PITPNC1: variants seen among roughly 807,000 people sequenced by gnomAD.
PITPNC1 encodes the protein phosphatidylinositol transfer protein cytoplasmic 1.
PITPNC1 carries 18 observed loss-of-function variants against 44.7 expected under a neutral mutation model. The ratio of observed to expected loss-of-function variants is 0.40; its 90% confidence interval spans 0.28 to 0.60. The LOEUF is 0.60. Among genes scored for constraint, PITPNC1 ranks in the 20% least tolerant of loss-of-function variants. The probability of loss-of-function intolerance (pLI) is 0.39; values close to 1 mark genes in which losing one functional copy is unlikely to be tolerated. For synonymous variants in PITPNC1, 141 were observed against 149.6 expected, an observed-to-expected ratio of 0.94 and a Z score of 0.42; for missense variants, 290 against 418.4, an observed-to-expected ratio of 0.69 and a Z score of 2.68.
At chr17:67,504,006 T>G (rs1352907445) in intron 1 of PITPNC1, among the ~76,000 whole-genome samples, 1 of 152,114 alleles carries the variant, frequency 6.6e-6, no homozygotes, top group Non-Finnish European at 1.5e-5. Flanking sequence ...ACTTCCACAT[T>G]AAAAGTTTGG....
intron 4 of PITPNC1, among the ~76,000 whole-genome samples, chr17:67,564,707 G>T (rs898249126): frequency 6.6e-6 from 1 of 152,202 alleles, no homozygotes; most frequent in African/African-American, 2.4e-5. Flanking sequence ...TAAATTATAA[G>T]AATTTTTGGA....
intron 1 of PITPNC1, among the ~76,000 whole-genome samples, chr17:67,382,880 G>T (rs1433307491): frequency 6.6e-6 from 1 of 150,914 alleles, no homozygotes; most frequent in Admixed American, 6.6e-5. Flanking sequence ...CCCACTTTGG[G>T]CTCCCAAAGT....
At chr17:67,644,391 T>G (rs1354207034) in intron 6 of PITPNC1, among the ~76,000 whole-genome samples, 1 of 151,794 alleles carries the variant, frequency 6.6e-6, no homozygotes, top group Non-Finnish European at 1.5e-5. Flanking sequence ...CAAGCTCTTC[T>G]TCAGTTCCAT....
At chr17:67,393,767 A>G (rs983628456) in intron 1 of PITPNC1, among the ~76,000 whole-genome samples, 2 of 152,230 alleles carry the variant, frequency 1.3e-5, no homozygotes, top group East Asian at 3.8e-4. Flanking sequence ...TTGACTAAAG[A>G]CAGTGCTGTA....
intron 6 of PITPNC1, among the ~76,000 whole-genome samples, chr17:67,655,234 G>A (rs1281357482): frequency 1.3e-5 from 2 of 152,210 alleles, no homozygotes; most frequent in South Asian, 4.2e-4. Context: ...GGCAGAAAGG[G>A]TGAAGGAGCT....
In PITPNC1 at chr17:67,514,068, A is replaced by G. The variant is rs568438685; in HGVS notation, c.49-18734A>G. On this transcript the variant is annotated intron_variant, in intron 1 of 8. Transcript: ENST00000581322. ...TGTGTAGGTCGAGATAGAAGAGGGT[A>G]GAAGATACGGAGCTTGTTCACTGCC... Among the ~76,000 whole-genome samples, 42 of 150,750 alleles carry G rather than the reference A, an allele frequency of 2.8e-4. No homozygotes were observed. The South Asian group carries it at 8.8e-3, about 32-fold the overall frequency.
At chr17:67,533,121 A>AGGT (rs1221418176) in intron 2 of PITPNC1, among the ~76,000 whole-genome samples, 171 bp downstream of exon 2, 1 of 152,114 alleles carries the variant, frequency 6.6e-6, no homozygotes, top group Non-Finnish European at 1.5e-5. Flanking sequence ...TGCCCGAGCG[A>AGGT]GGTGGCTCAT....
intron 8 of PITPNC1, among the ~76,000 whole-genome samples, chr17:67,691,051 C>T (rs1010698066): frequency 6.6e-6 from 1 of 151,946 alleles, no homozygotes; most frequent in Non-Finnish European, 1.5e-5. Flanking sequence ...TGCAGTGAGC[C>T]AAGATCACGC....
At chr17:67,476,554 G>T (rs1196668994) in intron 1 of PITPNC1, among the ~76,000 whole-genome samples, 1 of 152,010 alleles carries the variant, frequency 6.6e-6, no homozygotes, top group Non-Finnish European at 1.5e-5. Context: ...CAGCCAGTGG[G>T]TTCTTAACTC....
intron 1 of PITPNC1, among the ~76,000 whole-genome samples, chr17:67,436,661 T>C (rs1233478322): frequency 4.6e-5 from 7 of 152,018 alleles, no homozygotes; most frequent in Admixed American, 4.6e-4. Flanking sequence ...TCATGTTTCT[T>C]GGCTGTGTGC....
In PITPNC1 at chr17:67,449,291, T is replaced by C. The variant is rs144081870; in HGVS notation, c.48+71089T>C. On this transcript the variant is annotated intron_variant, in intron 1 of 8. Coordinates refer to ENST00000581322, the MANE Select transcript of PITPNC1 (RefSeq NM_012417.4). ...TGTTCTAGTTGGAAAGGCTCAGAGT[T>C]TGGGAGAAGTTAAACGTGACTCAGA... Among the ~76,000 whole-genome samples, 121 of 152,260 alleles carry C rather than the reference T, an allele frequency of 7.9e-4. 2 individuals are homozygous for C. Among genetic ancestry groups the C allele is most frequent in the African/African-American group, 2.6e-3 (108 of 41,550 alleles).
chr17:67,670,306 A>C (rs965296128), intron 7 of PITPNC1, among the ~76,000 whole-genome samples: 10 of 152,234 alleles, frequency 6.6e-5, no homozygotes, highest in African/African-American at 2.4e-4. Flanking sequence ...CAAAGGGCTT[A>C]TCTGTGAGCA....
intron 1 of PITPNC1, among the ~76,000 whole-genome samples, chr17:67,393,263 C>G (rs1233379699): frequency 6.6e-6 from 1 of 152,148 alleles, no homozygotes; most frequent in African/African-American, 2.4e-5. Context: ...CACCGCCCAT[C>G]TTCAGAACAG....
At chr17:67,459,717 T>C (rs2080220533) in intron 1 of PITPNC1, 2 of 152,302 alleles carry the variant, frequency 1.3e-5, no homozygotes, top group South Asian at 4.1e-4. Flanking sequence ...CATCACTTTC[T>C]ATGCTGTGTC....
chr17:67,691,528 T>C (rs2042926974), intron 8 of PITPNC1, among the ~76,000 whole-genome samples: 1 of 152,236 alleles, frequency 6.6e-6, no homozygotes, highest in Admixed American at 6.5e-5. Flanking sequence ...GAAATGGTTT[T>C]ATTTTCTTGG....
At chr17:67,553,439 C>T (rs964997723) in intron 3 of PITPNC1, 171 bp from the exon 4 acceptor site, 4 of 411,702 alleles carry the variant, frequency 9.7e-6, no homozygotes, top group Admixed American at 9.0e-5. Flanking sequence ...AATTTCAGTG[C>T]AACACGGAGA....
chr17:67,455,594 T>TG (rs1038677263), intron 1 of PITPNC1, among the ~76,000 whole-genome samples: 6 of 130,232 alleles, frequency 4.6e-5, no homozygotes, highest in African/African-American at 1.6e-4. Context: ...TAGTTTTTTT[T>TG]GTTTTTTTTT....
chr17:67,381,734 G>T (rs1403344997), intron 1 of PITPNC1, among the ~76,000 whole-genome samples: 1 of 152,192 alleles, frequency 6.6e-6, no homozygotes, highest in Non-Finnish European at 1.5e-5. Flanking sequence ...CCAAAGGCGT[G>T]AGCCACCGCG....
rs147740667 is a variant in PITPNC1, at chr17:67,493,144, C to T, written c.49-39658C>T. On this transcript the variant is annotated intron_variant, in intron 1 of 8. Transcript: ENST00000581322. ...GAAATGGAGAATCCAATGGTAGATT[C>T]AGTAACCACTCTTTAATGTGGCTAT... 3.3e-4 allele frequency among the ~76,000 whole-genome samples: 50 copies of T among 152,308 alleles called. No individual in the cohort carries two copies. The East Asian group carries it at 9.1e-3, about 28-fold the overall frequency.
Sources: allele counts gnomAD v4.1 joint callset (sites outside exome capture counted in the v4.1 genomes callset), GRCh38; gene constraint gnomAD v4.1.1; transcripts MANE v1.5; gene names NCBI Gene and HGNC (gene_info 2026-07-23, HGNC 2026-07-21).